Variants in PTPRE observed in about 807,000 individuals in gnomAD.
PTPRE encodes protein tyrosine phosphatase receptor type E.
In PTPRE, 51 loss-of-function variants were observed where a neutral mutation model predicts 102.0. The ratio of observed to expected loss-of-function variants is 0.50; its 90% CI spans 0.40 to 0.63. The LOEUF (loss-of-function observed/expected upper bound fraction) is 0.63. Among genes scored for constraint, PTPRE ranks in the 30% least tolerant of loss-of-function variants. PTPRE has a pLI of 0.00. For synonymous variants in PTPRE, 345 were observed against 348.2 expected (o/e 0.99, Z 0.10); for missense variants, 752 against 915.1 (o/e 0.82, Z 2.30).
rs540916489 is a variant in PTPRE at position 128,038,791 on chromosome 10, G to C, written c.-7-2084G>C. ...CTGCACGTTGTGCACATGTACCCTA[G>C]AACTTAAAGTATAAATATATATATA... On this transcript the variant is annotated intron_variant, in intron 2 of 20. Transcript: ENST00000254667. Among the ~76,000 whole-genome samples, 109 of 152,202 alleles carry C rather than the reference G, an allele frequency of 7.2e-4. 1 individual carries two copies. The highest frequency in any genetic ancestry group is 5.4e-4 in the Non-Finnish European group (37 of 68,020).
At chr10:127,946,691 A>G (rs1398484477) in intron 1 of PTPRE, among the ~76,000 whole-genome samples, 1 of 152,162 alleles carries the variant, frequency 6.6e-6, no homozygotes, top group Non-Finnish European at 1.5e-5. Context: ...GACTGCATAG[A>G]GGCATAGAGT....
chr10:128,018,526 T>C (rs894833012), intron 2 of PTPRE, among the ~76,000 whole-genome samples: 2 of 152,236 alleles, frequency 1.3e-5, no homozygotes, highest in Admixed American at 1.3e-4. Context: ...AGATGTTTCC[T>C]GCTATTCCTA....
intron 1 of PTPRE, among the ~76,000 whole-genome samples, chr10:127,924,330 A>C (rs1011015052): frequency 6.6e-6 from 1 of 152,118 alleles, no homozygotes; most frequent in Non-Finnish European, 1.5e-5. Flanking sequence ...GATTCAAGTG[A>C]TTCTTGTGCC....
intron 12 of PTPRE, 106 bp from the exon 13 acceptor site, chr10:128,069,586 C>CA: frequency 6.7e-7 from 1 of 1,489,796 alleles, no homozygotes; most frequent in Non-Finnish European, 9.1e-7. Flanking sequence ...ACCAAAAAAA[C>CA]AAAAAGTTGC....
chr10:127,997,930 C>A (rs1853440110), intron 2 of PTPRE, among the ~76,000 whole-genome samples: 1 of 152,152 alleles, frequency 6.6e-6, no homozygotes, highest in African/African-American at 2.4e-5. Flanking sequence ...CCATCTGTCC[C>A]CATTCGTCAT....
Position 127,915,683 on chromosome 10 carries a change from C to A in PTPRE, c.-31+8374C>A, listed in dbSNP as rs80064491. On this transcript the variant is annotated intron_variant, in intron 1 of 20. Transcript: ENST00000254667. ...CAAGCCAGGCCTATTCTTAGCTAGC[C>A]AACAACATTCTTTCAAAGGATATTT... Among the ~76,000 whole-genome samples the A allele has an allele frequency of 9.0e-3, 1,372 of 152,188 alleles. 10 individuals are homozygous for A. Among genetic ancestry groups the A allele is most frequent in the East Asian group, 0.042 (218 of 5,174 alleles).
At chr10:128,065,296 C>T (rs1404432664) in intron 10 of PTPRE, among the ~76,000 whole-genome samples, 1 of 152,256 alleles carries the variant, frequency 6.6e-6, no homozygotes, top group East Asian at 1.9e-4. Flanking sequence ...TGACTACTGG[C>T]AGGCTTGTTC....
intron 2 of PTPRE, among the ~76,000 whole-genome samples, chr10:128,014,633 G>A (rs1845277042): frequency 6.6e-6 from 1 of 152,150 alleles, no homozygotes; most frequent in African/African-American, 2.4e-5. Context: ...TGGGGGCCTG[G>A]AAAAGGAAGC....
chr10:127,956,743 T>C (rs945404172), intron 1 of PTPRE, among the ~76,000 whole-genome samples: 2 of 152,236 alleles, frequency 1.3e-5, no homozygotes, highest in African/African-American at 4.8e-5. Context: ...GTGTTGTCAG[T>C]GTTCCGGATT....
At chr10:128,019,287 G>A (rs1478631582) in intron 2 of PTPRE, among the ~76,000 whole-genome samples, 1 of 152,242 alleles carries the variant, frequency 6.6e-6, no homozygotes, top group Non-Finnish European at 1.5e-5. Context: ...AGTGAAGATG[G>A]CAGTTCCCGC....
chr10:127,966,263 G>A (rs930324001), intron 1 of PTPRE, among the ~76,000 whole-genome samples: 1 of 152,170 alleles, frequency 6.6e-6, no homozygotes, highest in Non-Finnish European at 1.5e-5. Flanking sequence ...CAGGTGTGTG[G>A]AGCCCTCCGG....
chr10:128,080,776 G>A (rs1481091712), intron 20 of PTPRE, among the ~76,000 whole-genome samples: 1 of 152,212 alleles, frequency 6.6e-6, no homozygotes, highest in Non-Finnish European at 1.5e-5. Context: ...AGAGCACTTT[G>A]TAGCCTGACT....
At chr10:128,064,288 AGGAATAGGAT>A (rs1333228312) in intron 10 of PTPRE, among the ~76,000 whole-genome samples, 1 of 152,250 alleles carries the variant, frequency 6.6e-6, no homozygotes, top group African/African-American at 2.4e-5. Flanking sequence ...GTTTCTGGTC[AGGAATAGGAT>A]GGAGGCTTTC....
At chr10:127,910,786 A>G (rs1845816468) in intron 1 of PTPRE, among the ~76,000 whole-genome samples, 2 of 152,216 alleles carry the variant, frequency 1.3e-5, no homozygotes, top group African/African-American at 2.4e-5. Flanking sequence ...CACATGTAAG[A>G]ATCAGTGAAG....
At chr10:128,021,281 G>A (rs1360953312) in intron 2 of PTPRE, among the ~76,000 whole-genome samples, 1 of 152,198 alleles carries the variant, frequency 6.6e-6, no homozygotes, top group Non-Finnish European at 1.5e-5. Context: ...TGAAGTGGCA[G>A]AGGGCATTCA....
rs117766470 is a variant in PTPRE, at chr10:128,031,137, C to T, written c.-7-9738C>T. 5.5e-4 allele frequency among the ~76,000 whole-genome samples: 84 copies of T among 152,344 alleles called. 1 individual carries two copies. The highest frequency in any genetic ancestry group is 3.4e-3 in the Middle Eastern group (1 of 294). On this transcript the variant is annotated intron_variant, in intron 2 of 20. Coordinates refer to ENST00000254667, the MANE Select transcript of PTPRE (RefSeq NM_006504.6). ...TGCATGGATGAATACATAAGCCAAC[C>T]AGCAGGTACTCTTGAGTCTACAGTC...
At chr10:128,046,304 C>T (rs1036403893) in intron 3 of PTPRE, among the ~76,000 whole-genome samples, 5 of 152,144 alleles carry the variant, frequency 3.3e-5, no homozygotes, top group African/African-American at 9.7e-5. Flanking sequence ...TCCCAGTGCC[C>T]GGAGCACCCT....
intron 11 of PTPRE, 22 bp from the exon 12 acceptor site, chr10:128,068,101 T>C (rs1214445578): frequency 6.2e-7 from 1 of 1,602,474 alleles, no homozygotes; most frequent in African/African-American, 1.3e-5. Context: ...CACCCACTCT[T>C]GTCTCCCCGC....
intron 2 of PTPRE, among the ~76,000 whole-genome samples, chr10:127,986,076 G>A (rs540121992): frequency 6.6e-6 from 1 of 152,200 alleles, no homozygotes; most frequent in Non-Finnish European, 1.5e-5. Flanking sequence ...GGGTGAAAGA[G>A]CAAGACTCTG....
Sources: gnomAD v4.1 joint callset for allele counts (sites outside exome capture counted in the v4.1 genomes callset) on GRCh38, gnomAD v4.1.1 for gene constraint, MANE v1.5 for transcripts, NCBI Gene and HGNC (gene_info 2026-07-23, HGNC 2026-07-21) for gene names.